Variants in SCRIB observed in about 807,000 individuals in gnomAD.
SCRIB encodes the protein protein scribble homolog.
In SCRIB, 72 loss-of-function variants were observed where a neutral mutation model predicts 170.0. That is an observed-to-expected ratio of 0.42 (90% CI 0.35 to 0.52). The LOEUF is 0.52. Ranked by LOEUF, SCRIB falls within the 20% of genes least tolerant of loss-of-function variation. SCRIB has a pLI of 0.02. For synonymous variants in SCRIB, 1,298 were observed against 1,044.3 expected (o/e 1.24, Z -4.68); for missense variants, 2,475 against 2,338.5 (o/e 1.06, Z -1.20).
chr8:143,791,674 CAT>C lies in SCRIB; in HGVS notation c.4760_4761del (p.Tyr1587Ter), dbSNP rs1384695316. ...GCCTGGAGGCCAGGTACCTGGATGTCATAGACAGGTCTGGAAGAAGGCAGGGC... is the reference window on the plus strand; with the variant it reads ...GCCTGGAGGCCAGGTACCTGGATGTCAGACAGGTCTGGAAGAAGGCAGGGC... ...FAALPSSRPV[Y>X]DIQSPDFAEE... On this transcript the variant is annotated frameshift_variant, in exon 35 of 37. Transcript: ENST00000356994. LOFTEE classifies it high-confidence loss of function. 5.0e-6 allele frequency: 8 copies of C among 1,605,626 alleles called. No individual in the cohort carries two copies. The African/African-American group carries it at 6.7e-5, about 13-fold the overall frequency.
rs778169106 is a variant in SCRIB, at chr8:143,812,359, T to C, written c.813A>G (p.Leu271=). ...GIGQLKQLSI[L]KVDQNRLCEV... ...CGCACAGCCGATTCTGGTCTACCTTTAGGATGGATAGCTGCTTCAGCTGAC... is the reference window on the plus strand; with the variant it reads ...CGCACAGCCGATTCTGGTCTACCTTCAGGATGGATAGCTGCTTCAGCTGAC... Residue 271 remains leucine, a synonymous_variant, in exon 9 of 37, where the codon CTA becomes CTG. Transcript: ENST00000356994. 9.9e-6 allele frequency: 16 copies of C among 1,613,360 alleles called. No individual in the cohort carries two copies. Among genetic ancestry groups the C allele is most frequent in the Non-Finnish European group, 1.2e-5 (14 of 1,179,564 alleles).
intron 24 of SCRIB, among the ~76,000 whole-genome samples, chr8:143,796,122 C>A (rs116941864): frequency 1.3e-5 from 2 of 152,030 alleles, no homozygotes; most frequent in East Asian, 3.9e-4. Flanking sequence ...CAGAGGGGGG[C>A]GAGGAGACAG....
chr8:143,810,761 G>T lies in SCRIB; in HGVS notation c.1329C>A (p.Ser443Arg). The change falls in exon 12 of 37, where the codon AGC becomes AGA. Residue 443 changes from serine to arginine, a missense_variant. Around this residue, in one of 3 missense-constraint regions of SCRIB, gnomAD observed 1,966 missense variants for 1,742.9 expected, o/e 1.13. Coordinates refer to ENST00000356994, the MANE Select transcript of SCRIB (RefSeq NM_182706.5). Reference sequence around the variant, plus strand: ...CCAGGAACTGGATGACGCTGACGCGGCTCGGCGGGGCATCGCTCCAGGTCT... The same window carrying T: ...CCAGGAACTGGATGACGCTGACGCGTCTCGGCGGGGCATCGCTCCAGGTCT... ...LSETWSDAPP[S>R]RVSVIQFLEA... is the part of the protein sequence containing the mutation. The T allele has an allele frequency of 6.2e-7, 1 of 1,606,396 alleles. No homozygotes were observed. The highest frequency in any genetic ancestry group is 1.1e-5 in the South Asian group (1 of 90,934).
Position 143,793,972 on chromosome 8 carries a change from T to A in SCRIB, c.3847-10A>T, listed in dbSNP as rs200654191. ...CTGCTCCAGACGGTACCTGGAGGAG[T>A]AGGCAGTGGGTGGGGTGAGGATGGG... On this transcript the variant is annotated splice_polypyrimidine_tract_variant and intron_variant, in intron 27 of 36. Transcript: ENST00000356994. 8.1e-6 allele frequency: 13 copies of A among 1,610,820 alleles called. No individual in the cohort carries two copies. In the African/African-American group the frequency reaches 1.7e-4, roughly 22 times the overall value.
At chr8:143,813,611 C>G (rs1385246642) in intron 4 of SCRIB, 26 bp downstream of exon 4, 2 of 1,612,748 alleles carry the variant, frequency 1.2e-6, no homozygotes, top group African/African-American at 1.3e-5. Context: ...CCACCCCACC[C>G]TAGTTCCACC....
chr8:143,791,963 C>CA, intron 33 of SCRIB, 28 bp downstream of exon 33: 1 of 1,446,154 alleles, frequency 6.9e-7, no homozygotes, highest in African/African-American at 1.7e-5. Context: ...GGCAGGCTGA[C>CA]CCCCCCGACC....
In SCRIB at chr8:143,809,893, C is replaced by T. The variant is rs572837926; in HGVS notation, c.1531-175G>A. Among the ~76,000 whole-genome samples the T allele has an allele frequency of 5.3e-5, 8 of 152,336 alleles. No individual in the cohort carries two copies. The South Asian group carries it at 6.2e-4, about 12-fold the overall frequency. The stretch of plus-strand genomic sequence containing the variant: ...TGTCCCAGCCTGCAAGGAAGCCACA[C>T]GCCTCCAAAGCCTAGGGTGGACAAA... On this transcript the variant is annotated intron_variant, in intron 13 of 36. Coordinates refer to ENST00000356994, the MANE Select transcript of SCRIB (RefSeq NM_182706.5).
chr8:143,804,514 C>T, intron 21 of SCRIB, 54 bp downstream of exon 21: 1 of 1,471,542 alleles, frequency 6.8e-7, no homozygotes, highest in Non-Finnish European at 9.0e-7. Context: ...CCTGGGAAGG[C>T]CAGTGCCCAC....
chr8:143,791,750 A>G lies in SCRIB; in HGVS notation c.4696-10T>C, dbSNP rs1006119494. 6.5e-7 allele frequency: 1 copy of G among 1,531,970 alleles called. No homozygotes were observed. Among genetic ancestry groups the G allele is most frequent in the Non-Finnish European group, 8.9e-7 (1 of 1,127,384 alleles). 94.9% of individuals were successfully genotyped at this position (1,531,970 alleles called of 1,614,324 possible). ...TCTTTCCAGACAAGGGCTTGAAAGG[A>G]CAGCGTGAGGGGAGAGGCAGAGAGT... is the stretch of plus-strand genomic sequence containing the variant. On this transcript the variant is annotated splice_polypyrimidine_tract_variant and intron_variant, in intron 34 of 36. Transcript: ENST00000356994.
intron 27 of SCRIB, 177 bp from the exon 28 acceptor site, chr8:143,794,139 T>C: frequency 1.7e-6 from 1 of 604,814 alleles, no homozygotes. Flanking sequence ...TCGTCCCCGT[T>C]CCCACAGGAT....
intron 24 of SCRIB, among the ~76,000 whole-genome samples, chr8:143,801,668 G>A (rs1039121332): frequency 9.2e-5 from 14 of 152,228 alleles, no homozygotes; most frequent in Middle Eastern, 3.2e-3. Context: ...GTGCTGGGGC[G>A]GACAGCGAGC....
At chr8:143,814,895 G>A (rs554356381) in intron 1 of SCRIB, 2 of 377,754 alleles carry the variant, frequency 5.3e-6, no homozygotes, top group East Asian at 4.8e-5. Flanking sequence ...CAAGAAGCTA[G>A]TACTCATCAG....
chr8:143,804,731 T>G lies in SCRIB; in HGVS notation c.2846A>C (p.Glu949Ala), dbSNP rs1160521541. 6.3e-7 allele frequency: 1 copy of G among 1,594,436 alleles called. No homozygotes were observed. The highest frequency in any genetic ancestry group is 8.5e-7 in the Non-Finnish European group (1 of 1,170,964). ...SPTIALLLER[E>A]AGGPLPPSPL... Reference sequence around the variant, plus strand: ...GCTGGGAGGAAGAGGGCCCCCAGCCTCCCGCTCCAACAGCAGGGCGATGGT... The same window carrying G: ...GCTGGGAGGAAGAGGGCCCCCAGCCGCCCGCTCCAACAGCAGGGCGATGGT... The change falls in exon 21 of 37, where the codon GAG becomes GCG. Residue 949 changes from glutamate (E) to alanine (A), a missense_variant. This residue lies in a region of SCRIB where 1,966 missense variants were observed against 1,742.9 expected (regional missense o/e 1.13). Coordinates refer to ENST00000356994, the MANE Select transcript of SCRIB (RefSeq NM_182706.5).
rs782150325 is a variant in SCRIB, at chr8:143,803,579, G to T, written c.3415-8C>A. On this transcript the variant is annotated splice_polypyrimidine_tract_variant and splice_region_variant and intron_variant, in intron 23 of 36. Transcript: ENST00000356994. Reference sequence around the variant, plus strand: ...TGCCCCCGTGGGGCTCACCTGTGGGGAGACGTGGTATGGGAGAGACCTGTT... The same window carrying T: ...TGCCCCCGTGGGGCTCACCTGTGGGTAGACGTGGTATGGGAGAGACCTGTT... 147 of 1,576,954 alleles carry T rather than the reference G, an allele frequency of 9.3e-5. 1 individual carries two copies. The highest frequency in any genetic ancestry group is 2.4e-5 in the Non-Finnish European group (28 of 1,163,184).
chr8:143,812,283 T>G lies in SCRIB; in HGVS notation c.889A>C (p.Thr297Pro). The stretch of plus-strand genomic sequence containing the variant: ...GACCCTACCATCAGCAGGTTCTCCG[T>G]GAGGATCAGCTCAGAGAGGTTCTCA... ...DCENLSELIL[T>P]ENLLMALPRS... Residue 297 changes from threonine (T) to proline (P), a missense_variant, in exon 9 of 37, where the codon ACG becomes CCG. By Grantham distance (38) the Thr-to-Pro change is conservative. Around this residue, in one of 3 missense-constraint regions of SCRIB, gnomAD observed 487 missense variants for 558.1 expected, o/e 0.87. Transcript: ENST00000356994. 6.2e-7 allele frequency: 1 copy of G among 1,610,528 alleles called. No homozygotes were observed. Among genetic ancestry groups the G allele is most frequent in the Non-Finnish European group, 8.5e-7 (1 of 1,176,804 alleles).
intron 17 of SCRIB, 70 bp downstream of exon 17, chr8:143,806,854 T>TG: frequency 9.2e-7 from 1 of 1,090,834 alleles, no homozygotes; most frequent in East Asian, 2.6e-5. Flanking sequence ...AAGGGGCCTG[T>TG]GTGCCATCAG....
chr8:143,814,196 ACAAGT>A, intron 1 of SCRIB, 78 bp from the exon 2 acceptor site: 1 of 1,228,090 alleles, frequency 8.1e-7, no homozygotes, highest in Non-Finnish European at 1.2e-6. Context: ...CGTGAGTGTC[ACAAGT>A]CAAGAGTCCC....
chr8:143,799,565 C>G (rs945960403), intron 24 of SCRIB, among the ~76,000 whole-genome samples: 1 of 152,202 alleles, frequency 6.6e-6, no homozygotes, highest in Admixed American at 6.5e-5. Context: ...GCACACCCAC[C>G]TAGGTTTGCG....
intron 16 of SCRIB, 82 bp from the exon 17 acceptor site, chr8:143,807,095 AGATGCC>A: frequency 9.9e-7 from 1 of 1,009,418 alleles, no homozygotes; most frequent in South Asian, 1.4e-5. Context: ...ACCAGCACGC[AGATGCC>A]ATTTCTGGCT....
Sources: gnomAD v4.1 joint callset for allele counts (sites outside exome capture counted in the v4.1 genomes callset) on GRCh38, gnomAD v4.1.1 for gene constraint, gnomAD v4.1.1 regional missense constraint, MANE v1.5 for transcripts, NCBI Gene and HGNC (gene_info 2026-07-23, HGNC 2026-07-21) for gene names.